The following ITPR1 variants were observed in gnomAD, a reference collection of about 807,000 sequenced individuals.
The protein encoded by ITPR1 is inositol 1,4,5-trisphosphate receptor type 1, also known as inositol 1,4,5-trisphosphate-gated calcium channel ITPR1.
Under a neutral mutation model 318.4 loss-of-function variants are expected in ITPR1, and 96 were observed. The ratio of observed to expected loss-of-function variants is 0.30; its 90% confidence interval spans 0.26 to 0.36. The LOEUF (loss-of-function observed/expected upper bound fraction) is 0.36. ITPR1 is among the 10% of genes least tolerant of loss of function. The pLI is 1.00. For missense variants in ITPR1, 2,440 were observed against 3,460.2 expected (o/e 0.71, Z 7.40); for synonymous variants, 1,312 against 1,289.9 (o/e 1.02, Z -0.37).
intron 23 of ITPR1, among the ~76,000 whole-genome samples, chr3:4,676,139 C>T (rs529810938): frequency 9.4e-5 from 14 of 149,178 alleles, no homozygotes; most frequent in Admixed American, 8.1e-4. Flanking sequence ...GCCAGGAGTT[C>T]GAGACCAGGC....
At chr3:4,504,802 G>A (rs1018890875) in intron 2 of ITPR1, among the ~76,000 whole-genome samples, 2 of 152,144 alleles carry the variant, frequency 1.3e-5, no homozygotes, top group Non-Finnish European at 1.5e-5. Flanking sequence ...CCGTAAATGC[G>A]TTAGGTTTTC....
At chr3:4,725,731 C>T (rs1272698986) in intron 41 of ITPR1, 150 bp downstream of exon 41, 3 of 684,944 alleles carry the variant, frequency 4.4e-6, no homozygotes, top group Non-Finnish European at 7.7e-6. Context: ...GGGAACAGAT[C>T]ATTGCTGACG....
intron 2 of ITPR1, among the ~76,000 whole-genome samples, chr3:4,513,563 A>C (rs1000884671): frequency 3.3e-5 from 5 of 152,162 alleles, no homozygotes; most frequent in African/African-American, 1.2e-4. Context: ...ATGTAGCTAA[A>C]GGTTACTTAT....
chr3:4,757,134 C>T (rs9878124), intron 44 of ITPR1, among the ~76,000 whole-genome samples: 4 of 152,272 alleles, frequency 2.6e-5, no homozygotes, highest in South Asian at 4.2e-4. Context: ...GTAGGTTTCC[C>T]GAGTTCCAGT....
intron 60 of ITPR1, among the ~76,000 whole-genome samples, chr3:4,827,428 T>C (rs1289723468): frequency 6.6e-6 from 1 of 152,236 alleles, no homozygotes; most frequent in Non-Finnish European, 1.5e-5. Context: ...ACATCAGGTA[T>C]ATATATTCAG....
chr3:4,731,499 AAGAGAGGCATATTTGTGGGTGGAATGG>A (rs1382730701), intron 42 of ITPR1, among the ~76,000 whole-genome samples: 1 of 152,196 alleles, frequency 6.6e-6, no homozygotes, highest in Non-Finnish European at 1.5e-5. Flanking sequence ...CTGAACTATG[AAGAGAGGCATATTTGTGGGTGGAATGG>A]AGAGAGGAAA....
chr3:4,650,107 A>G (rs2093559661), intron 10 of ITPR1, among the ~76,000 whole-genome samples: 1 of 152,112 alleles, frequency 6.6e-6, no homozygotes, highest in African/African-American at 2.4e-5. Context: ...GATGTATCAT[A>G]TTTTATTTAC....
At position 4,846,868 on chromosome 3, in the gene ITPR1, A is replaced by T. The variant is rs41305987; in HGVS notation, c.*643A>T. 3,631 of 152,748 alleles carry T rather than the reference A, an allele frequency of 0.024. 70 individuals carry two copies. Among genetic ancestry groups the T allele is most frequent in the Non-Finnish European group, 0.032 (2,183 of 68,028 alleles). The allele number at this position is 152,748 out of a possible 1,614,324, so 9.5% of individuals were successfully genotyped here. A position where few individuals can be genotyped will look rare whatever the true frequency, so the allele number is the denominator to read the frequency against. Reference sequence around the variant, plus strand: ...TTAAATCAGCATTCATTTTAAGAAAAGCAACTTTAGTTTCAAAGATACTTT... The same window carrying T: ...TTAAATCAGCATTCATTTTAAGAAATGCAACTTTAGTTTCAAAGATACTTT... On this transcript the variant is annotated 3_prime_UTR_variant, in exon 62 of 62. Coordinates refer to ENST00000649015, the MANE Select transcript of ITPR1 (RefSeq NM_001378452.1).
chr3:4,510,875 G>T (rs1156922286), intron 2 of ITPR1, among the ~76,000 whole-genome samples: 1 of 152,290 alleles, frequency 6.6e-6, no homozygotes, highest in Middle Eastern at 3.4e-3. Context: ...GCAAGGGGTG[G>T]GGTAGGGACG....
intron 60 of ITPR1, among the ~76,000 whole-genome samples, chr3:4,835,494 A>C (rs1441865007): frequency 6.6e-6 from 1 of 152,150 alleles, no homozygotes; most frequent in East Asian, 1.9e-4. Flanking sequence ...CAAAGCTGAA[A>C]ATATTGACAC....
At chr3:4,611,664 G>C (rs1018531106) in intron 4 of ITPR1, among the ~76,000 whole-genome samples, 1 of 152,050 alleles carries the variant, frequency 6.6e-6, no homozygotes, top group Non-Finnish European at 1.5e-5. Context: ...AGAGTCACCT[G>C]TTCAGAGGGA....
intron 24 of ITPR1, among the ~76,000 whole-genome samples, chr3:4,679,486 G>C (rs6786478): frequency 0.43 from 64,801 of 151,940 alleles, 15,098 homozygotes; most frequent in Non-Finnish European, 0.54. Context: ...AGCTCTGATG[G>C]GCAGGAGAAG....
chr3:4,627,662 A>AG, intron 4 of ITPR1, 101 bp from the exon 5 acceptor site: 1 of 722,486 alleles, frequency 1.4e-6, no homozygotes, highest in Non-Finnish European at 2.5e-6. Context: ...TGTATGATGT[A>AG]ATTTTATGTA....
At chr3:4,496,965 C>T (rs1371806512) in intron 2 of ITPR1, among the ~76,000 whole-genome samples, 1 of 152,214 alleles carries the variant, frequency 6.6e-6, no homozygotes, top group Non-Finnish European at 1.5e-5. Context: ...GGAGTCTCCA[C>T]AGGGCCAGTG....
At position 4,638,798 on chromosome 3, in the gene ITPR1, A is replaced by C. The variant is rs75565622; in HGVS notation, c.280-586A>C. Among the ~76,000 whole-genome samples, 415 of 152,278 alleles carry C rather than the reference A, an allele frequency of 2.7e-3. 3 individuals carry two copies. The highest frequency in any genetic ancestry group is 9.6e-3 in the African/African-American group (398 of 41,514). ...TTTTCACGGAATGATTATAAAATTGATTACATTATGATTAATGTCTAACAA... is the reference window on the plus strand; with the variant it reads ...TTTTCACGGAATGATTATAAAATTGCTTACATTATGATTAATGTCTAACAA... On this transcript the variant is annotated intron_variant, in intron 5 of 61. Transcript: ENST00000649015.
At chr3:4,632,927 G>GTTTTTTTT (rs2093057800) in intron 5 of ITPR1, among the ~76,000 whole-genome samples, 1 of 118,102 alleles carries the variant, frequency 8.5e-6, no homozygotes, top group African/African-American at 3.9e-5. Flanking sequence ...TGACTTTCAG[G>GTTTTTTTT]TCTTTTTTTT....
chr3:4,663,040 C>T, intron 15 of ITPR1, 25 bp from the exon 16 acceptor site: 1 of 1,611,236 alleles, frequency 6.2e-7, no homozygotes, highest in Non-Finnish European at 8.5e-7. Flanking sequence ...ACACATCTGT[C>T]TCTAATAGCG....
At chr3:4,763,835 G>A (rs1301244885) in intron 44 of ITPR1, among the ~76,000 whole-genome samples, 2 of 152,250 alleles carry the variant, frequency 1.3e-5, no homozygotes, top group South Asian at 2.1e-4. Context: ...GTCAGACAGC[G>A]CGGTCCGTGG....
intron 4 of ITPR1, among the ~76,000 whole-genome samples, chr3:4,564,230 C>A (rs566930236): frequency 6.6e-6 from 1 of 152,084 alleles, no homozygotes; most frequent in Non-Finnish European, 1.5e-5. Context: ...CGTGAGCCAC[C>A]GCACCCGGCC....
Sources: gnomAD v4.1 joint callset for allele counts (sites outside exome capture counted in the v4.1 genomes callset) on GRCh38, gnomAD v4.1.1 for gene constraint, MANE v1.5 for transcripts, NCBI Gene and HGNC (gene_info 2026-07-23, HGNC 2026-07-21) for gene names.